LRRC4C: variants seen among roughly 807,000 people sequenced by gnomAD.
LRRC4C encodes leucine rich repeat containing 4C.
Under a neutral mutation model 33.6 loss-of-function variants are expected in LRRC4C, and 5 were observed. That is an observed-to-expected ratio of 0.15 (90% CI 0.08 to 0.31). LRRC4C has a LOEUF of 0.31. Among genes scored for constraint, LRRC4C ranks in the 10% least tolerant of loss-of-function variants. The pLI, the probability that LRRC4C is intolerant of heterozygous loss-of-function variation, is 1.00. For missense variants in LRRC4C, 560 were observed against 796.7 expected, an observed-to-expected ratio of 0.70 and a Z score of 3.58; for synonymous variants, 329 against 302.0, an observed-to-expected ratio of 1.09 and a Z score of -0.93.
At chr11:40,747,715 TA>T (rs1476788270) in intron 2 of LRRC4C, among the ~76,000 whole-genome samples, 1 of 151,562 alleles carries the variant, frequency 6.6e-6, no homozygotes, top group African/African-American at 2.4e-5. Context: ...AAAGATATCA[TA>T]AAAAAGGAAT....
intron 1 of LRRC4C, among the ~76,000 whole-genome samples, chr11:41,308,978 A>T (rs151255840): frequency 0.027 from 4,082 of 152,022 alleles, 173 homozygotes; most frequent in African/African-American, 0.093. Flanking sequence ...CTAATTTTGT[A>T]TTTGTAGTAG....
chr11:40,298,935 G>A (rs1261391210), intron 4 of LRRC4C, among the ~76,000 whole-genome samples: 1 of 152,082 alleles, frequency 6.6e-6, no homozygotes, highest in Non-Finnish European at 1.5e-5. Context: ...CTCCCATGAG[G>A]TCCCTCCCCC....
intron 3 of LRRC4C, among the ~76,000 whole-genome samples, chr11:40,540,593 A>G (rs1463567816): frequency 6.6e-6 from 1 of 152,116 alleles, no homozygotes; most frequent in Non-Finnish European, 1.5e-5. Flanking sequence ...TCTAAAATTT[A>G]GGTAAGGGAA....
chr11:41,115,233 T>A (rs1484694393), intron 1 of LRRC4C, among the ~76,000 whole-genome samples: 1 of 152,132 alleles, frequency 6.6e-6, no homozygotes, highest in Non-Finnish European at 1.5e-5. Context: ...CTTCTTTTGA[T>A]ATGTTAATTA....
At chr11:40,390,136 A>G (rs1949280277) in intron 3 of LRRC4C, among the ~76,000 whole-genome samples, 1 of 152,180 alleles carries the variant, frequency 6.6e-6, no homozygotes, top group Non-Finnish European at 1.5e-5. Context: ...AAAAATCAAA[A>G]CACATCAGCT....
intron 1 of LRRC4C, among the ~76,000 whole-genome samples, chr11:41,418,021 C>G (rs1176744782): frequency 6.6e-6 from 1 of 151,606 alleles, no homozygotes; most frequent in East Asian, 1.9e-4. Context: ...CCCCCACACA[C>G]ACATATGCTG....
chr11:40,891,094 G>A lies in LRRC4C; in HGVS notation c.-407+42541C>T, dbSNP rs551404824. On this transcript the variant is annotated intron_variant, in intron 2 of 6. Coordinates refer to ENST00000528697, the MANE Select transcript of LRRC4C (RefSeq NM_001258419.2). ...AAAATACAAAAATTAGCCAGAAAACGGTAGAGGGTGCCTGGAATCCTAGCT... is the reference window on the plus strand; with the variant it reads ...AAAATACAAAAATTAGCCAGAAAACAGTAGAGGGTGCCTGGAATCCTAGCT... Among the ~76,000 whole-genome samples the A allele has an allele frequency of 1.1e-3, 174 of 152,144 alleles. 1 individual carries two copies. The highest frequency in any genetic ancestry group is 4.1e-3 in the African/African-American group (169 of 41,502).
chr11:40,315,950 A>G (rs1705503744), intron 4 of LRRC4C, among the ~76,000 whole-genome samples: 1 of 152,058 alleles, frequency 6.6e-6, no homozygotes, highest in African/African-American at 2.4e-5. Context: ...CATCAGATTT[A>G]TGGTGTACAG....
At chr11:40,557,525 G>A (rs1957376967) in intron 3 of LRRC4C, among the ~76,000 whole-genome samples, 1 of 152,048 alleles carries the variant, frequency 6.6e-6, no homozygotes, top group African/African-American at 2.4e-5. Flanking sequence ...CTTAACAAAA[G>A]CAATAATTAT....
intron 3 of LRRC4C, among the ~76,000 whole-genome samples, chr11:40,591,144 C>T (rs1002597762): frequency 9.9e-5 from 15 of 152,118 alleles, no homozygotes; most frequent in African/African-American, 3.1e-4. Context: ...CGTGGGCATA[C>T]GACCCTCCGA....
At chr11:40,768,095 GA>G (rs1442536029) in intron 2 of LRRC4C, among the ~76,000 whole-genome samples, 1 of 151,912 alleles carries the variant, frequency 6.6e-6, no homozygotes, top group Non-Finnish European at 1.5e-5. Flanking sequence ...GATAAATAAA[GA>G]GGGACGATCT....
chr11:40,466,939 T>G (rs935153289), intron 3 of LRRC4C, among the ~76,000 whole-genome samples: 1 of 152,184 alleles, frequency 6.6e-6, no homozygotes, highest in African/African-American at 2.4e-5. Flanking sequence ...AATGAATATA[T>G]GATAATTTAC....
chr11:41,031,200 C>T (rs1368104181), intron 1 of LRRC4C, among the ~76,000 whole-genome samples: 1 of 151,794 alleles, frequency 6.6e-6, no homozygotes, highest in African/African-American at 2.4e-5. Flanking sequence ...CTGAAAAGGC[C>T]GAAGGTTGAG....
At chr11:40,201,356 T>C (rs1372365475) in intron 5 of LRRC4C, among the ~76,000 whole-genome samples, 2 of 152,186 alleles carry the variant, frequency 1.3e-5, no homozygotes, top group Non-Finnish European at 2.9e-5. Flanking sequence ...TTTGTTTTTG[T>C]TTTTGTTTTT....
At chr11:40,903,662 A>G (rs759427452) in intron 2 of LRRC4C, among the ~76,000 whole-genome samples, 1 of 152,156 alleles carries the variant, frequency 6.6e-6, no homozygotes, top group Non-Finnish European at 1.5e-5. Flanking sequence ...AACCTTCTGG[A>G]TGACTTTGAG....
chr11:41,181,390 C>G (rs147710591), intron 1 of LRRC4C, among the ~76,000 whole-genome samples: 1 of 152,206 alleles, frequency 6.6e-6, no homozygotes, highest in South Asian at 2.1e-4. Flanking sequence ...AGGCATCCAA[C>G]GCCATATTCT....
intron 1 of LRRC4C, among the ~76,000 whole-genome samples, chr11:41,046,754 A>C (rs1857802981): frequency 6.6e-6 from 1 of 152,182 alleles, no homozygotes; most frequent in Non-Finnish European, 1.5e-5. Context: ...ACTCATGAAT[A>C]ACCAACTTAG....
At chr11:40,369,585 G>A (rs146786002) in intron 3 of LRRC4C, among the ~76,000 whole-genome samples, 4,788 of 152,208 alleles carry the variant, frequency 0.031, 229 homozygotes, top group African/African-American at 0.1. Flanking sequence ...TGGTCTGCCC[G>A]CCTCAGCCTC....
chr11:40,569,384 A>G (rs1957887333), intron 3 of LRRC4C, among the ~76,000 whole-genome samples: 1 of 152,174 alleles, frequency 6.6e-6, no homozygotes, highest in Non-Finnish European at 1.5e-5. Context: ...CCAAAAGCCT[A>G]TGGTCCCATA....
Sources: allele counts gnomAD v4.1 joint callset (sites outside exome capture counted in the v4.1 genomes callset), GRCh38; gene constraint gnomAD v4.1.1; transcripts MANE v1.5; gene names NCBI Gene and HGNC (gene_info 2026-07-23, HGNC 2026-07-21).